OSBP2: variants seen among roughly 807,000 people sequenced by gnomAD.
The protein encoded by OSBP2 is oxysterol-binding protein 2.
Under a neutral mutation model 96.0 loss-of-function variants are expected in OSBP2, and 66 were observed. That is an observed-to-expected ratio of 0.69 (90% CI 0.56 to 0.84). The LOEUF (loss-of-function observed/expected upper bound fraction) is 0.84. Ranked by LOEUF, OSBP2 falls within the 40% of genes least tolerant of loss-of-function variation. OSBP2 has a pLI of 0.00. For missense variants in OSBP2, 1,038 were observed against 1,222.7 expected, an observed-to-expected ratio of 0.85 and a Z score of 2.25; for synonymous variants, 525 against 520.9, an observed-to-expected ratio of 1.01 and a Z score of -0.11.
intron 2 of OSBP2, among the ~76,000 whole-genome samples, chr22:30,859,588 T>TCC (rs1323429223): frequency 1.3e-5 from 2 of 152,054 alleles, no homozygotes; most frequent in Non-Finnish European, 2.9e-5. Context: ...GCAGCACCCT[T>TCC]CCACATGCCA....
At chr22:30,819,448 G>A (rs889789412) in intron 2 of OSBP2, among the ~76,000 whole-genome samples, 3 of 152,238 alleles carry the variant, frequency 2.0e-5, no homozygotes, top group African/African-American at 7.2e-5. Flanking sequence ...AGCCAGTGGA[G>A]CTGTTAGAAG....
At chr22:30,696,523 A>G (rs2089039679) in intron 1 of OSBP2, among the ~76,000 whole-genome samples, 1 of 152,082 alleles carries the variant, frequency 6.6e-6, no homozygotes, top group African/African-American at 2.4e-5. Context: ...CCAGGACCAC[A>G]CTCTGAGAAG....
intron 2 of OSBP2, among the ~76,000 whole-genome samples, chr22:30,810,228 G>A (rs1014181238): frequency 6.6e-6 from 1 of 152,150 alleles, no homozygotes; most frequent in Non-Finnish European, 1.5e-5. Flanking sequence ...GAAGACAGTG[G>A]ATGTGTGGCA....
rs1375684688 is a variant in OSBP2, at chr22:30,886,283, T to C, written c.1108-1143T>C. ...GGTGGGGAGGGGGCCTTCCAGGCTATAGGTAAATTTAAACATTTTCTGGTT... is the reference window on the plus strand; with the variant it reads ...GGTGGGGAGGGGGCCTTCCAGGCTACAGGTAAATTTAAACATTTTCTGGTT... On this transcript the variant is annotated intron_variant, in intron 3 of 13. Transcript: ENST00000332585. Among the ~76,000 whole-genome samples, 4 of 152,288 alleles carry C rather than the reference T, an allele frequency of 2.6e-5. No homozygotes were observed. The East Asian group carries it at 7.7e-4, about 29-fold the overall frequency.
intron 12 of OSBP2, among the ~76,000 whole-genome samples, chr22:30,899,209 T>A (rs1415602171): frequency 6.6e-6 from 1 of 151,670 alleles, no homozygotes; most frequent in African/African-American, 2.4e-5. Context: ...CAAGACCCTG[T>A]CTCTACAAAA....
intron 2 of OSBP2, among the ~76,000 whole-genome samples, chr22:30,792,514 A>G (rs899123389): frequency 2.0e-5 from 3 of 152,180 alleles, no homozygotes; most frequent in African/African-American, 7.2e-5. Flanking sequence ...TTTTTAATGA[A>G]TAGTCTCTTT....
intron 12 of OSBP2, among the ~76,000 whole-genome samples, chr22:30,900,383 AG>A (rs2040170008): frequency 6.6e-6 from 1 of 152,222 alleles, no homozygotes; most frequent in Non-Finnish European, 1.5e-5. Flanking sequence ...AAATAAATGG[AG>A]AAAGATATAA....
At chr22:30,696,753 A>G (rs1201605345) in intron 1 of OSBP2, among the ~76,000 whole-genome samples, 1 of 152,016 alleles carries the variant, frequency 6.6e-6, no homozygotes, top group Non-Finnish European at 1.5e-5. Flanking sequence ...CCCCAGGTTC[A>G]AGCAATTCTT....
intron 2 of OSBP2, among the ~76,000 whole-genome samples, chr22:30,809,146 T>G (rs936554868): frequency 7.9e-5 from 12 of 152,204 alleles, no homozygotes; most frequent in African/African-American, 2.4e-4. Flanking sequence ...ACAGAGAATG[T>G]GGCCTTGCTG....
rs528702946 is a variant in OSBP2 at position 30,905,794 on chromosome 22, G to C, written c.2376-43G>C. Reference sequence around the variant, plus strand: ...AGGGCGGCCGGGTAGGTGTGGTCCGGCTCACACCGCAGCCACCGCCACCGC... The same window carrying C: ...AGGGCGGCCGGGTAGGTGTGGTCCGCCTCACACCGCAGCCACCGCCACCGC... On this transcript the variant is annotated intron_variant, in intron 12 of 13. Coordinates refer to ENST00000332585, the MANE Select transcript of OSBP2 (RefSeq NM_030758.4). The C allele has an allele frequency of 5.0e-6, 8 of 1,604,584 alleles. No individual in the cohort carries two copies. The East Asian group carries it at 1.3e-4, about 27-fold the overall frequency.
chr22:30,885,075 C>T (rs1299927288), intron 3 of OSBP2, among the ~76,000 whole-genome samples: 1 of 152,164 alleles, frequency 6.6e-6, no homozygotes, highest in Non-Finnish European at 1.5e-5. Flanking sequence ...TGCTCCCTCG[C>T]CCTGCCTGCC....
chr22:30,858,682 C>T (rs2039137769), intron 2 of OSBP2, among the ~76,000 whole-genome samples: 1 of 151,140 alleles, frequency 6.6e-6, no homozygotes, highest in African/African-American at 2.4e-5. Context: ...AGTTCAAGAC[C>T]AGCCTGGCCA....
chr22:30,898,594 G>A (rs1412274376), intron 12 of OSBP2, among the ~76,000 whole-genome samples: 1 of 152,046 alleles, frequency 6.6e-6, no homozygotes, highest in Non-Finnish European at 1.5e-5. Flanking sequence ...CAGAGAGTAG[G>A]GGAAACAGCT....
chr22:30,899,984 C>T (rs5997804), intron 12 of OSBP2, among the ~76,000 whole-genome samples: 265 of 152,296 alleles, frequency 1.7e-3, no homozygotes, highest in African/African-American at 6.0e-3. Flanking sequence ...CAAGACTGGG[C>T]GCAGTGGCTC....
chr22:30,704,422 G>C (rs1264255736), intron 1 of OSBP2, among the ~76,000 whole-genome samples: 1 of 152,098 alleles, frequency 6.6e-6, no homozygotes, highest in Non-Finnish European at 1.5e-5. Context: ...AAGATCCTTA[G>C]AGACTCAGAG....
At chr22:30,766,578 G>A (rs1005335453) in intron 2 of OSBP2, among the ~76,000 whole-genome samples, 2 of 152,126 alleles carry the variant, frequency 1.3e-5, no homozygotes, top group Admixed American at 1.3e-4. Flanking sequence ...CACGCTCTTG[G>A]CCTGGTTGAC....
chr22:30,701,344 C>CTTTTTTTTTTTTTTTTTTT (rs1228654999), intron 1 of OSBP2, among the ~76,000 whole-genome samples: 4 of 127,988 alleles, frequency 3.1e-5, no homozygotes, highest in Non-Finnish European at 3.3e-5. Context: ...TTTTTCTTTT[C>CTTTTTTTTTTTTTTTTTTT]TTTTTTTTTT....
chr22:30,857,148 C>G (rs930410529), intron 2 of OSBP2, among the ~76,000 whole-genome samples: 1 of 152,212 alleles, frequency 6.6e-6, no homozygotes, highest in African/African-American at 2.4e-5. Flanking sequence ...ACTGCAGCAG[C>G]CCCCCTGGCA....
chr22:30,763,920 C>A (rs2090237794), intron 2 of OSBP2, among the ~76,000 whole-genome samples: 1 of 152,140 alleles, frequency 6.6e-6, no homozygotes, highest in Non-Finnish European at 1.5e-5. Flanking sequence ...AGATAGTATC[C>A]TTTTACTTGA....
Sources: allele counts gnomAD v4.1 joint callset (sites outside exome capture counted in the v4.1 genomes callset), GRCh38; gene constraint gnomAD v4.1.1; transcripts MANE v1.5; gene names NCBI Gene and HGNC (gene_info 2026-07-23, HGNC 2026-07-21).